Variants in TOR3A observed in about 807,000 individuals in gnomAD.
The protein encoded by TOR3A is torsin family 3 member A.
A neutral mutation model predicts 42.1 loss-of-function variants in TOR3A; 44 were observed. That is an observed-to-expected ratio of 1.04 (90% CI 0.82 to 1.34). The LOEUF (loss-of-function observed/expected upper bound fraction) is 1.34, where lower values mean the gene tolerates loss of function less well. Ranked by LOEUF, TOR3A falls within the 40% of genes most tolerant of loss-of-function variation. TOR3A has a pLI of 0.00. For synonymous variants in TOR3A, 227 were observed against 213.2 expected (o/e 1.06, Z -0.57); for missense variants, 521 against 507.6 (o/e 1.03, Z -0.25).
intron 5 of TOR3A, among the ~76,000 whole-genome samples, 171 bp from the exon 6 acceptor site, chr1:179,094,797 G>T (rs1269213031): frequency 6.6e-6 from 1 of 152,116 alleles, no homozygotes; most frequent in African/African-American, 2.4e-5. Flanking sequence ...AGGATCCCTT[G>T]AACCTAGGAG....
chr1:179,084,467 G>A (rs369068342), intron 2 of TOR3A, among the ~76,000 whole-genome samples: 1 of 151,842 alleles, frequency 6.6e-6, no homozygotes, highest in Non-Finnish European at 1.5e-5. Context: ...CTCGTGATCC[G>A]CCCGCCTCAG....
chr1:179,087,300 G>C (rs1652459646), intron 3 of TOR3A, among the ~76,000 whole-genome samples: 1 of 152,234 alleles, frequency 6.6e-6, no homozygotes, highest in Non-Finnish European at 1.5e-5. Flanking sequence ...GGCCCAGTCA[G>C]TCCTTCAGCA....
At chr1:179,091,407 G>A (rs569818359) in intron 4 of TOR3A, among the ~76,000 whole-genome samples, 5 of 152,280 alleles carry the variant, frequency 3.3e-5, no homozygotes, top group East Asian at 1.9e-4. Flanking sequence ...TGGGAGGGGC[G>A]GCGCGTAGAG....
intron 2 of TOR3A, among the ~76,000 whole-genome samples, chr1:179,083,581 CGG>C (rs78979955): frequency 7.8e-5 from 8 of 102,650 alleles, no homozygotes; most frequent in South Asian, 4.0e-4. Flanking sequence ...TTAGTAGAGG[CGG>C]GGGGGGGGGG....
In TOR3A at chr1:179,082,930, CCTT is replaced by C. The variant is rs1369083168; in HGVS notation, c.260-9_260-7del. 4 of 1,551,620 alleles carry C rather than the reference CCTT, an allele frequency of 2.6e-6. No homozygotes were observed. Among genetic ancestry groups the C allele is most frequent in the Non-Finnish European group, 3.5e-6 (4 of 1,146,154 alleles). The stretch of plus-strand genomic sequence containing the variant: ...GTCTCCTCTCGGTCTCACAGCTCCT[CCTT>C]TTCCAGGCTGGCGCCTTCCTCTGTT... On this transcript the variant is annotated splice_polypyrimidine_tract_variant and splice_region_variant and intron_variant, in intron 1 of 5. Transcript: ENST00000367627.
chr1:179,095,239 G>C lies in TOR3A; in HGVS notation c.*21G>C. On this transcript the variant is annotated 3_prime_UTR_variant, in exon 6 of 6. Transcript: ENST00000367627. ...CATGAAGGCTAGAGGAAGACTTCCT[G>C]GAACTGCCTTTCTTCCACTAACAGG... The C allele has an allele frequency of 6.2e-7, 1 of 1,612,736 alleles. No individual in the cohort carries two copies. The highest frequency in any genetic ancestry group is 2.2e-5 in the East Asian group (1 of 44,874).
At position 179,082,138 on chromosome 1, in the gene TOR3A, G is replaced by A; in HGVS notation, c.10G>A (p.Gly4Ser). ...CAGCTCGGGGCCGGCCATGCTTCGC[G>A]GTCCGTGGCGCCAGCTTTGGCTCTT... The part of the protein sequence containing the change: MLR[G>S]PWRQLWLFFL... Residue 4 changes from glycine (G) to serine (S), a missense_variant, in exon 1 of 6, where the codon GGT becomes AGT. Transcript: ENST00000367627. The A allele has an allele frequency of 6.7e-7, 1 of 1,501,576 alleles. No homozygotes were observed. The highest frequency in any genetic ancestry group is 8.8e-7 in the Non-Finnish European group (1 of 1,136,084). The allele number at this position is 1,501,576 out of a possible 1,614,324, so 93.0% of individuals were successfully genotyped here. A position where few individuals can be genotyped will look rare whatever the true frequency, so the allele number is the denominator to read the frequency against.
rs184549469 is a variant in TOR3A, at chr1:179,087,240, G to C, written c.640-671G>C. 2.6e-5 allele frequency among the ~76,000 whole-genome samples: 4 copies of C among 152,324 alleles called. 1 individual carries two copies. Among genetic ancestry groups the C allele is most frequent in the Admixed American group, 2.6e-4 (4 of 15,304 alleles). On this transcript the variant is annotated intron_variant, in intron 3 of 5. Transcript: ENST00000367627. ...CACTTGAGGGTTTACTGTCTTGCCTGGGGCAAGGAACCCTCCACAGCTTGC... is the reference window on the plus strand; with the variant it reads ...CACTTGAGGGTTTACTGTCTTGCCTCGGGCAAGGAACCCTCCACAGCTTGC...
In TOR3A at chr1:179,087,965, T is replaced by C. The variant is rs772872469; in HGVS notation, c.694T>C (p.Phe232Leu). The C allele has an allele frequency of 6.2e-7, 1 of 1,612,586 alleles. No individual in the cohort carries two copies. The highest frequency in any genetic ancestry group is 8.5e-7 in the Non-Finnish European group (1 of 1,179,344). The part of the protein sequence containing the change: ...ETQQLCHQTL[F>L]IFDEAEKLHP... ...GCAGCAGCTCTGCCACCAGACCCTG[T>C]TCATCTTCGATGAAGCGGAGAAGCT... Residue 232 changes from phenylalanine to leucine, a missense_variant, in exon 4 of 6, where the codon TTC becomes CTC. By Grantham distance (22) the Phe-to-Leu change is conservative. Transcript: ENST00000367627.
At chr1:179,086,033 G>A (rs891931341) in intron 3 of TOR3A, 140 bp downstream of exon 3, 10 of 1,027,814 alleles carry the variant, frequency 9.7e-6, no homozygotes, top group Non-Finnish European at 7.0e-6. Flanking sequence ...GAGCCACTCC[G>A]TCCACTCCTC....
At chr1:179,082,454 T>A (rs548928245) in intron 1 of TOR3A, 67 bp downstream of exon 1, 157 of 1,523,244 alleles carry the variant, frequency 1.0e-4, no homozygotes, top group Non-Finnish European at 1.1e-4. Flanking sequence ...GCGGCTGTGG[T>A]CGCCTCGCTC....
Position 179,095,358 on chromosome 1 carries a change from T to G in TOR3A, c.*140T>G, listed in dbSNP as rs564679667. 5 of 1,511,574 alleles carry G rather than the reference T, an allele frequency of 3.3e-6. No homozygotes were observed. Among genetic ancestry groups the G allele is most frequent in the Admixed American group, 2.2e-5 (1 of 45,818 alleles). The allele number at this position is 1,511,574 out of a possible 1,614,324, so 93.6% of individuals were successfully genotyped here. ...CAGCCACTAACAAACACACAACTGG[T>G]GTGTAAAAGGCAGGCCTTACATTAG... On this transcript the variant is annotated 3_prime_UTR_variant, in exon 6 of 6. Coordinates refer to ENST00000367627, the MANE Select transcript of TOR3A (RefSeq NM_022371.4).
chr1:179,094,042 T>C (rs1305587152), intron 4 of TOR3A, 51 bp from the exon 5 acceptor site: 19 of 1,593,712 alleles, frequency 1.2e-5, no homozygotes, highest in Non-Finnish European at 1.6e-5. Flanking sequence ...AGATAACATA[T>C]ATGGAAGCTA....
At chr1:179,085,930 T>C in intron 3 of TOR3A, 37 bp downstream of exon 3, 1 of 1,597,882 alleles carries the variant, frequency 6.3e-7, no homozygotes, top group Non-Finnish European at 8.5e-7. Flanking sequence ...GCCTCTGTGC[T>C]GGGAGGGAGA....
rs2102548108 is a variant in TOR3A at position 179,095,430 on chromosome 1, A to AGAT, written c.*213_*215dup. On this transcript the variant is annotated 3_prime_UTR_variant, in exon 6 of 6. Coordinates refer to ENST00000367627, the MANE Select transcript of TOR3A (RefSeq NM_022371.4). ...TTTTTTTTGGAGGTCCCACCGAGAT[A>AGAT]GATAGGAACTTGGATTGCTGAATTC... 2.8e-6 allele frequency: 4 copies of AGAT among 1,406,010 alleles called. No homozygotes were observed. The South Asian group carries it at 5.1e-5, about 18-fold the overall frequency. 87.1% of individuals were successfully genotyped at this position (1,406,010 alleles called of 1,614,324 possible).
intron 4 of TOR3A, among the ~76,000 whole-genome samples, chr1:179,088,890 G>A (rs1281256161): frequency 2.6e-5 from 4 of 152,166 alleles, no homozygotes; most frequent in Non-Finnish European, 1.5e-5. Context: ...ACAACAGCTC[G>A]AGCCTCGGTA....
chr1:179,090,083 G>C (rs376977555), intron 4 of TOR3A, among the ~76,000 whole-genome samples: 1 of 135,804 alleles, frequency 7.4e-6, no homozygotes, highest in Non-Finnish European at 1.6e-5. Context: ...TGGGTGGACT[G>C]TCCGAGGCCA....
intron 4 of TOR3A, among the ~76,000 whole-genome samples, chr1:179,090,677 G>GTCCT (rs1652555991): frequency 6.6e-6 from 1 of 152,196 alleles, no homozygotes; most frequent in African/African-American, 2.4e-5. Context: ...CTCAGAGCCT[G>GTCCT]TCCTTCATCC....
rs1482231919 is a variant in TOR3A, at chr1:179,095,801, G to C, written c.*583G>C. 2.0e-6 allele frequency: 2 copies of C among 987,186 alleles called. No homozygotes were observed. Among genetic ancestry groups the C allele is most frequent in the Non-Finnish European group, 1.2e-6 (1 of 831,512 alleles). 61.2% of individuals were successfully genotyped at this position (987,186 alleles called of 1,614,324 possible). A position where few individuals can be genotyped will look rare whatever the true frequency, so the allele number is the denominator to read the frequency against. ...AAGCCAAGCTGCTTCTGTTGTGAGCGAATCAGCCAAGAGCCTGAGGCTGAA... is the reference window on the plus strand; with the variant it reads ...AAGCCAAGCTGCTTCTGTTGTGAGCCAATCAGCCAAGAGCCTGAGGCTGAA... On this transcript the variant is annotated 3_prime_UTR_variant, in exon 6 of 6. Coordinates refer to ENST00000367627, the MANE Select transcript of TOR3A (RefSeq NM_022371.4).
Sources: allele counts gnomAD v4.1 joint callset (sites outside exome capture counted in the v4.1 genomes callset), GRCh38; gene constraint gnomAD v4.1.1; transcripts MANE v1.5; gene names NCBI Gene and HGNC (gene_info 2026-07-23, HGNC 2026-07-21).